The following FRMD6 variants were observed in gnomAD, a reference collection of about 807,000 sequenced individuals.
FRMD6 encodes the protein FERM domain containing 6.
A neutral mutation model predicts 73.2 loss-of-function variants in FRMD6; 37 were observed. That is an observed-to-expected ratio of 0.51 (90% CI 0.39 to 0.66). The LOEUF is 0.66. Ranked by LOEUF, FRMD6 falls within the 30% of genes least tolerant of loss-of-function variation. The pLI, the probability that FRMD6 is intolerant of heterozygous loss-of-function variation, is 0.00. For missense variants in FRMD6, 714 were observed against 780.5 expected, an observed-to-expected ratio of 0.91 and a Z score of 1.02; for synonymous variants, 273 against 282.2, an observed-to-expected ratio of 0.97 and a Z score of 0.33.
At chr14:51,703,627 C>T (rs1348735660) in intron 5 of FRMD6, among the ~76,000 whole-genome samples, 1 of 151,874 alleles carries the variant, frequency 6.6e-6, no homozygotes, top group Non-Finnish European at 1.5e-5. Flanking sequence ...TTAATGCATC[C>T]CTATACTTCT....
chr14:51,573,167 A>G (rs1208175160), intron 2 of FRMD6, among the ~76,000 whole-genome samples: 1 of 152,228 alleles, frequency 6.6e-6, no homozygotes, highest in African/African-American at 2.4e-5. Context: ...TCTAGCCAAG[A>G]TAGACTATGG....
intron 2 of FRMD6, among the ~76,000 whole-genome samples, chr14:51,604,977 G>A (rs544806998): frequency 2.6e-5 from 4 of 152,140 alleles, no homozygotes; most frequent in African/African-American, 4.8e-5. Context: ...TGGCCTATGC[G>A]AGCTGTGATC....
the FRMD6 span, among the ~76,000 whole-genome samples, chr14:51,473,207 T>C: frequency 1.3e-5 from 2 of 152,284 alleles, no homozygotes; most frequent in East Asian, 3.9e-4. Context: ...TTGGAGACAA[T>C]CAGGATTTGG....
chr14:51,698,945 T>C (rs1896119623), intron 3 of FRMD6, among the ~76,000 whole-genome samples: 1 of 152,134 alleles, frequency 6.6e-6, no homozygotes, highest in South Asian at 2.1e-4. Context: ...TCTTTGCTCA[T>C]TTTGTCAAGA....
chr14:51,482,343 A>G, the FRMD6 span, among the ~76,000 whole-genome samples: 1 of 152,212 alleles, frequency 6.6e-6, no homozygotes, highest in South Asian at 2.1e-4. Flanking sequence ...GCAGAACCCC[A>G]CACCCACTTT....
the FRMD6 span, among the ~76,000 whole-genome samples, chr14:51,477,380 C>T: frequency 3.9e-5 from 6 of 152,134 alleles, no homozygotes; most frequent in African/African-American, 1.4e-4. Context: ...TTCATATTTA[C>T]AAGAAGACAG....
chr14:51,569,884 C>T (rs1050295183), intron 1 of FRMD6, among the ~76,000 whole-genome samples: 13 of 151,582 alleles, frequency 8.6e-5, no homozygotes, highest in South Asian at 2.1e-4. Flanking sequence ...GGCGCGATCT[C>T]GGCTCACTGC....
chr14:51,682,333 G>A (rs1894857426), intron 1 of FRMD6, among the ~76,000 whole-genome samples: 1 of 151,444 alleles, frequency 6.6e-6, no homozygotes, highest in Non-Finnish European at 1.5e-5. Context: ...TTTTGGATTG[G>A]AGAGAAACTT....
chr14:51,479,139 A>C, the FRMD6 span, among the ~76,000 whole-genome samples: 1 of 152,194 alleles, frequency 6.6e-6, no homozygotes. Context: ...TCCAATCTTT[A>C]ACGTTTCAAG....
chr14:51,720,564 A>G, intron 11 of FRMD6, 174 bp downstream of exon 11: 1 of 620,296 alleles, frequency 1.6e-6, no homozygotes, highest in Non-Finnish European at 2.9e-6. Context: ...GGCTGTGAAC[A>G]AAACATCCCT....
intron 3 of FRMD6, among the ~76,000 whole-genome samples, chr14:51,700,437 T>C (rs1014089009): frequency 4.6e-5 from 7 of 152,038 alleles, no homozygotes; most frequent in Admixed American, 4.6e-4. Flanking sequence ...TTGTTTTTCA[T>C]AAAATGTTTC....
chr14:51,588,553 C>T (rs748738569), intron 2 of FRMD6, among the ~76,000 whole-genome samples: 19 of 152,144 alleles, frequency 1.2e-4, no homozygotes, highest in Admixed American at 5.9e-4. Context: ...TCTACAGGAA[C>T]ACGACCCAAA....
chr14:51,488,847 A>G (rs1007145827), upstream of FRMD6, among the ~76,000 whole-genome samples: 1 of 152,198 alleles, frequency 6.6e-6, no homozygotes, highest in African/African-American at 2.4e-5. Context: ...TGGATGCCCT[A>G]TGGATGGAGA....
At chr14:51,491,700 T>C (rs548960296) in intron 1 of FRMD6, among the ~76,000 whole-genome samples, 49 of 152,354 alleles carry the variant, frequency 3.2e-4, no homozygotes, top group African/African-American at 1.1e-3. Flanking sequence ...TCTCTGCTGC[T>C]GGGGGATTCA....
intron 3 of FRMD6, among the ~76,000 whole-genome samples, chr14:51,699,975 C>G (rs1158345607): frequency 1.3e-5 from 2 of 151,924 alleles, no homozygotes; most frequent in Non-Finnish European, 2.9e-5. Context: ...CTAACCCTTT[C>G]ATTAAAATTG....
At chr14:51,527,438 G>A (rs566523742) in intron 1 of FRMD6, among the ~76,000 whole-genome samples, 1 of 152,292 alleles carries the variant, frequency 6.6e-6, no homozygotes, top group African/African-American at 2.4e-5. Context: ...GTTACCATTA[G>A]GCAAGTTAGT....
intron 1 of FRMD6, among the ~76,000 whole-genome samples, chr14:51,511,304 A>G (rs1884296679): frequency 6.6e-6 from 1 of 152,248 alleles, no homozygotes; most frequent in African/African-American, 2.4e-5. Context: ...ATAAGATGGT[A>G]TCATAGAGGC....
At chr14:51,600,906 A>G (rs1165825600) in intron 2 of FRMD6, among the ~76,000 whole-genome samples, 1 of 152,256 alleles carries the variant, frequency 6.6e-6, no homozygotes, top group Admixed American at 6.5e-5. Context: ...GCAGTTGCCC[A>G]TAGCCTGGGT....
At chr14:51,705,989 C>G (rs1453771373) in intron 6 of FRMD6, among the ~76,000 whole-genome samples, 1 of 151,942 alleles carries the variant, frequency 6.6e-6, no homozygotes, top group African/African-American at 2.4e-5. Flanking sequence ...TGGTTTTTTC[C>G]CCTATATCCA....
Sources: gnomAD v4.1 joint callset for allele counts (sites outside exome capture counted in the v4.1 genomes callset) on GRCh38, gnomAD v4.1.1 for gene constraint, MANE v1.5 for transcripts, NCBI Gene and HGNC (gene_info 2026-07-23, HGNC 2026-07-21) for gene names.